DNAH17: variants seen among roughly 807,000 people sequenced by gnomAD.
DNAH17 encodes axonemal beta dynein heavy chain 17.
Under a neutral mutation model 485.6 loss-of-function variants are expected in DNAH17, and 376 were observed. The observed-to-expected ratio is 0.77, with a 90% CI of 0.71 to 0.84. The LOEUF is 0.84. Ranked by LOEUF, DNAH17 falls within the 40% of genes least tolerant of loss-of-function variation. The pLI, the probability that DNAH17 is intolerant of heterozygous loss-of-function variation, is 0.00. For missense variants in DNAH17, 6,370 were observed against 5,839.3 expected, an observed-to-expected ratio of 1.09 and a Z score of -2.96; for synonymous variants, 3,031 against 2,405.9, an observed-to-expected ratio of 1.26 and a Z score of -7.60.
chr17:78,477,927 C>T (rs1394926770), intron 51 of DNAH17, among the ~76,000 whole-genome samples: 27 of 149,284 alleles, frequency 1.8e-4, no homozygotes, highest in African/African-American at 6.9e-4. Flanking sequence ...ACCATCACCA[C>T]CATCATCACC....
At chr17:78,560,408 A>C (rs73999132) in intron 13 of DNAH17, among the ~76,000 whole-genome samples, 7,132 of 152,144 alleles carry the variant, frequency 0.047, 544 homozygotes, top group African/African-American at 0.16. Flanking sequence ...CAGAGCCCAC[A>C]AGTGTGAATT....
intron 45 of DNAH17, 33 bp downstream of exon 45, chr17:78,486,191 T>C (rs2089599535): frequency 1.3e-6 from 2 of 1,591,090 alleles, no homozygotes; most frequent in African/African-American, 1.3e-5. Flanking sequence ...TGAGAGACCC[T>C]GTGTGGGTGG....
At chr17:78,493,097 C>T (rs146363488) in intron 41 of DNAH17, 11 of 196,122 alleles carry the variant, frequency 5.6e-5, no homozygotes, top group East Asian at 2.9e-4. Flanking sequence ...GTGATCAGCC[C>T]GCCTTGGCCT....
In DNAH17 at chr17:78,466,712, C is replaced by T. The variant is rs61740194; in HGVS notation, c.8883G>A (p.Pro2961=). 1.8e-3 allele frequency: 2,981 copies of T among 1,612,608 alleles called. 4 individuals carry two copies. The highest frequency in any genetic ancestry group is 2.1e-3 in the Non-Finnish European group (2,432 of 1,179,494). ...CGCTGACGGACACCAGCGCATCTTC[C>T]GGCCACTCGTGGAACCAGTCGATGG... ...CTAIDWFHEW[P]EDALVSVSAR... is the part of the protein sequence containing the mutation. The change falls in exon 56 of 81, where the codon CCG becomes CCA. Residue 2961 remains proline, a synonymous_variant. Transcript: ENST00000389840.
At position 78,468,892 on chromosome 17, in the gene DNAH17, A is replaced by G. The variant is rs765830814; in HGVS notation, c.8512-9T>C. 6.2e-7 allele frequency: 1 copy of G among 1,610,840 alleles called. No individual in the cohort carries two copies. The highest frequency in any genetic ancestry group is 8.5e-7 in the Non-Finnish European group (1 of 1,178,704). On this transcript the variant is annotated splice_polypyrimidine_tract_variant and intron_variant, in intron 54 of 80. Transcript: ENST00000389840. The stretch of plus-strand genomic sequence containing the variant: ...TGAGCAGCGAGGTCAATCTGGACGG[A>G]GTGAGGACACGCTTAGGGGCCTTGG...
At position 78,475,932 on chromosome 17, in the gene DNAH17, G is replaced by A. The variant is rs117687460; in HGVS notation, c.8155-99C>T. 5,603 of 1,345,172 alleles carry A rather than the reference G, an allele frequency of 4.2e-3. 20 individuals carry two copies. Among genetic ancestry groups the A allele is most frequent in the Non-Finnish European group, 5.2e-3 (5,202 of 1,000,442 alleles). The allele number at this position is 1,345,172 out of a possible 1,614,324, so 83.3% of individuals were successfully genotyped here. Reference sequence around the variant, plus strand: ...AGTACTTTGCCAAGGTGGCCTAGGAGGTCACCACGGGGTCCCAGGCCAAGT... The same window carrying A: ...AGTACTTTGCCAAGGTGGCCTAGGAAGTCACCACGGGGTCCCAGGCCAAGT... On this transcript the variant is annotated intron_variant, in intron 52 of 80. Transcript: ENST00000389840.
rs1466825962 is a variant in DNAH17 at position 78,568,856 on chromosome 17, T to TA, written c.1284+309dup. 3.9e-5 allele frequency among the ~76,000 whole-genome samples: 6 copies of TA among 152,306 alleles called. No homozygotes were observed. The East Asian group carries it at 7.7e-4, about 20-fold the overall frequency. On this transcript the variant is annotated intron_variant, in intron 9 of 80. Coordinates refer to ENST00000389840, the MANE Select transcript of DNAH17 (RefSeq NM_173628.4). ...TCCATTTGTAATAATTGAGTCCCAC[T>TA]AAGTGACTGCTGTTGGCCCCCAGGC...
Position 78,571,276 on chromosome 17 carries a change from C to T in DNAH17, c.832+3G>A. ...AGAACTCATGACAGGGTCACAGGCTCACCTTCAGTGACGTTGGTGTAAACG... is the reference window on the plus strand; with the variant it reads ...AGAACTCATGACAGGGTCACAGGCTTACCTTCAGTGACGTTGGTGTAAACG... On this transcript the variant is annotated splice_donor_region_variant and intron_variant, in intron 5 of 80. Coordinates refer to ENST00000389840, the MANE Select transcript of DNAH17 (RefSeq NM_173628.4). The T allele has an allele frequency of 6.2e-7, 1 of 1,611,610 alleles. No homozygotes were observed. The highest frequency in any genetic ancestry group is 2.2e-5 in the East Asian group (1 of 44,866).
rs980647402 is a variant in DNAH17 at position 78,441,210 on chromosome 17, A to T, written c.11529-11T>A. On this transcript the variant is annotated splice_polypyrimidine_tract_variant and intron_variant, in intron 71 of 80. Coordinates refer to ENST00000389840, the MANE Select transcript of DNAH17 (RefSeq NM_173628.4). ...TCCTCCACGAAGTTCCTAGGGGTGGAGTGCATCAGAGGCAGCGGAACCTGA... is the reference window on the plus strand; with the variant it reads ...TCCTCCACGAAGTTCCTAGGGGTGGTGTGCATCAGAGGCAGCGGAACCTGA... 6.2e-7 allele frequency: 1 copy of T among 1,613,224 alleles called. No individual in the cohort carries two copies. Among genetic ancestry groups the T allele is most frequent in the Non-Finnish European group, 8.5e-7 (1 of 1,179,662 alleles).
Position 78,505,277 on chromosome 17 carries a change from G to A in DNAH17, c.4956+16C>T, listed in dbSNP as rs1300603824. On this transcript the variant is annotated intron_variant, in intron 31 of 80. Coordinates refer to ENST00000389840, the MANE Select transcript of DNAH17 (RefSeq NM_173628.4). ...CCTTGTCCTGGGTTCCCTGTGTGGT[G>A]TGCGCACACACTCACCTGCCCCGAG... 3 of 1,613,640 alleles carry A rather than the reference G, an allele frequency of 1.9e-6. No homozygotes were observed. The African/African-American group carries it at 4.0e-5, about 22-fold the overall frequency.
At chr17:78,492,424 C>T (rs1291427762) in intron 42 of DNAH17, among the ~76,000 whole-genome samples, 2 of 152,176 alleles carry the variant, frequency 1.3e-5, no homozygotes, top group Non-Finnish European at 2.9e-5. Context: ...GCTCCTGTGG[C>T]CCCCATTCCT....
Position 78,441,184 on chromosome 17 carries a change from T to C in DNAH17, c.11544A>G (p.Glu3848=). 6.2e-7 allele frequency: 1 copy of C among 1,613,864 alleles called. No homozygotes were observed. The highest frequency in any genetic ancestry group is 8.5e-7 in the Non-Finnish European group (1 of 1,179,870). The change falls in exon 72 of 81, where the codon GAA becomes GAG. Residue 3848 remains glutamate, a synonymous_variant. Transcript: ENST00000389840. ...CTTCCACGAACTTGCTGCCCATCTT[T>C]TCCTCCACGAAGTTCCTAGGGGTGG... is the stretch of plus-strand genomic sequence containing the variant. ...MTYAIKNFVE[E]KMGSKFVEGR... is the part of the protein sequence containing the mutation.
At position 78,462,962 on chromosome 17, in the gene DNAH17, G is replaced by C. The variant is rs1248046872; in HGVS notation, c.9056C>G (p.Thr3019Ser). The stretch of plus-strand genomic sequence containing the variant: ...GTACAGTTTGATCTGCTCCAGAAAG[G>C]TTTTGGGTGTGGTGTAGTTGTAGCG... ...ERRYNYTTPK[T>S]FLEQIKLYQN... The change falls in exon 57 of 81, where the codon ACC becomes AGC. Residue 3019 changes from threonine to serine, a missense_variant. By Grantham distance (58) the Thr-to-Ser change is moderately conservative (BLOSUM62 1). Coordinates refer to ENST00000389840, the MANE Select transcript of DNAH17 (RefSeq NM_173628.4). 12 of 1,613,886 alleles carry C rather than the reference G, an allele frequency of 7.4e-6. No individual in the cohort carries two copies. The Admixed American group carries it at 1.2e-4, about 16-fold the overall frequency.
chr17:78,428,979 G>T, intron 76 of DNAH17, 142 bp downstream of exon 76: 1 of 772,052 alleles, frequency 1.3e-6, no homozygotes, highest in Non-Finnish European at 2.1e-6. Context: ...CTTCTTCCAA[G>T]TGAGACGCAT....
chr17:78,466,965 T>C, intron 55 of DNAH17, 149 bp from the exon 56 acceptor site: 2 of 744,378 alleles, frequency 2.7e-6, no homozygotes, highest in Non-Finnish European at 2.0e-6. Context: ...GGTTCTGGGT[T>C]TGAAGGGCGG....
chr17:78,484,644 A>G (rs1261468268), intron 48 of DNAH17: 3 of 342,766 alleles, frequency 8.8e-6, no homozygotes, highest in Non-Finnish European at 1.6e-5. Flanking sequence ...AAACTGATAG[A>G]ACCTCTCCCC....
chr17:78,465,637 TGAG>T (rs902118017), intron 56 of DNAH17, among the ~76,000 whole-genome samples: 31 of 149,116 alleles, frequency 2.1e-4, no homozygotes, highest in African/African-American at 7.8e-4. Flanking sequence ...GTCTGGGAGG[TGAG>T]GAGCGTCTCT....
chr17:78,460,376 G>A lies in DNAH17; in HGVS notation c.9340-119C>T, dbSNP rs1291938520. The A allele has an allele frequency of 8.0e-5, 27 of 339,462 alleles. 1 individual carries two copies. The Admixed American group carries it at 1.0e-3, about 13-fold the overall frequency. The allele number at this position is 339,462 out of a possible 1,614,324, so 21.0% of individuals were successfully genotyped here. A position where few individuals can be genotyped will look rare whatever the true frequency, so the allele number is the denominator to read the frequency against. On this transcript the variant is annotated intron_variant, in intron 58 of 80. Transcript: ENST00000389840. ...TGTGCATGTATGCACGTGCATGAGT[G>A]TATGTGTGCATATATGTGCATGAGT...
At position 78,440,901 on chromosome 17, in the gene DNAH17, C is replaced by G. The variant is rs73380041; in HGVS notation, c.11677+150G>C. The G allele has an allele frequency of 6.4e-4, 626 of 971,810 alleles. 4 individuals carry two copies. The African/African-American group carries it at 9.7e-3, about 15-fold the overall frequency. The allele number at this position is 971,810 out of a possible 1,614,324, so 60.2% of individuals were successfully genotyped here. ...CAGGCCTCACAACTCGTGTTATTTT[C>G]CTGTTCTTGATCATTGCCATCCTAC... is the stretch of plus-strand genomic sequence containing the variant. On this transcript the variant is annotated intron_variant, in intron 72 of 80. Transcript: ENST00000389840.
Sources: allele counts gnomAD v4.1 joint callset (sites outside exome capture counted in the v4.1 genomes callset), GRCh38; gene constraint gnomAD v4.1.1; transcripts MANE v1.5; gene names NCBI Gene and HGNC (gene_info 2026-07-23, HGNC 2026-07-21).